LRP1B: variants seen among roughly 807,000 people sequenced by gnomAD.
LRP1B encodes low-density lipoprotein receptor-related protein 1B.
In LRP1B, 217 loss-of-function variants were observed where a neutral mutation model predicts 556.6. The observed-to-expected ratio is 0.39, with a 90% CI of 0.35 to 0.44. The LOEUF (loss-of-function observed/expected upper bound fraction) is 0.44. LRP1B is among the 20% of genes least tolerant of loss of function. LRP1B has a pLI of 1.00. For synonymous variants in LRP1B, 2,047 were observed against 1,865.8 expected (o/e 1.10, Z -2.50); for missense variants, 5,053 against 5,620.8 (o/e 0.90, Z 3.23).
Position 142,005,694 on chromosome 2 carries a change from G to A in LRP1B, c.82+124954C>T, listed in dbSNP as rs189719108. On this transcript the variant is annotated intron_variant, in intron 1 of 90. Coordinates refer to ENST00000389484, the MANE Select transcript of LRP1B (RefSeq NM_018557.3). The stretch of plus-strand genomic sequence containing the variant: ...CTATATTCATTTTCTTTATTAAAAG[G>A]GTTGTTAAAAATAATTTATCAAACT... 4.0e-3 allele frequency among the ~76,000 whole-genome samples: 613 copies of A among 151,712 alleles called. 3 individuals carry two copies. Among genetic ancestry groups the A allele is most frequent in the Middle Eastern group, 6.9e-3 (2 of 290 alleles).
At chr2:141,964,732 A>AAAATTGAC (rs1264178090) in intron 1 of LRP1B, among the ~76,000 whole-genome samples, 10 of 151,786 alleles carry the variant, frequency 6.6e-5, no homozygotes, top group African/African-American at 2.4e-4. Context: ...AACCAAAGCC[A>AAAATTGAC]AAATTGACAA....
At chr2:141,168,607 T>C (rs1680365715) in intron 7 of LRP1B, among the ~76,000 whole-genome samples, 1 of 152,036 alleles carries the variant, frequency 6.6e-6, no homozygotes, top group Non-Finnish European at 1.5e-5. Context: ...TAATAATAAT[T>C]TCAAGGATGT....
intron 3 of LRP1B, among the ~76,000 whole-genome samples, chr2:141,349,635 T>C (rs1435221496): frequency 6.6e-6 from 1 of 151,958 alleles, no homozygotes; most frequent in African/African-American, 2.4e-5. Context: ...GTTGAACTGA[T>C]ATCAAAGTGT....
intron 11 of LRP1B, among the ~76,000 whole-genome samples, chr2:141,025,349 C>A (rs1275425070): frequency 6.6e-6 from 1 of 152,070 alleles, no homozygotes; most frequent in African/African-American, 2.4e-5. Flanking sequence ...TTTACACAAC[C>A]ATATCTAAAG....
At chr2:141,641,581 A>G (rs924812456) in intron 2 of LRP1B, among the ~76,000 whole-genome samples, 3 of 152,300 alleles carry the variant, frequency 2.0e-5, no homozygotes, top group Non-Finnish European at 2.9e-5. Context: ...ATGCAATGCT[A>G]TAACTCTAGC....
rs138993428 is a variant in LRP1B, at chr2:141,015,714, C to T, written c.2172G>A (p.Leu724=). The T allele has an allele frequency of 6.2e-7, 1 of 1,612,254 alleles. No individual in the cohort carries two copies. The highest frequency in any genetic ancestry group is 1.3e-5 in the African/African-American group (1 of 74,868). Residue 724 remains leucine (L), a synonymous_variant, in exon 13 of 91, where the codon TTG becomes TTA. Transcript: ENST00000389484. ...AYYDHIEKVF[L]NGTHRKIVYS... The stretch of plus-strand genomic sequence containing the variant: ...CTTTTACCTTCCTGTGAGTCCCATT[C>T]AAAAATACTTTTTCAATATGATCGT...
At chr2:141,992,551 A>G (rs1481725834) in intron 1 of LRP1B, among the ~76,000 whole-genome samples, 6 of 152,164 alleles carry the variant, frequency 3.9e-5, no homozygotes, top group Non-Finnish European at 7.4e-5. Context: ...TTACAGAAAA[A>G]TACATATAAA....
intron 27 of LRP1B, 72 bp from the exon 28 acceptor site, chr2:140,851,855 G>A (rs951152972): frequency 2.1e-6 from 3 of 1,403,686 alleles, no homozygotes; most frequent in Middle Eastern, 1.8e-4. Context: ...GGTTGACAGG[G>A]GTTATTCACC....
intron 83 of LRP1B, among the ~76,000 whole-genome samples, chr2:140,309,100 C>A (rs610276): frequency 0.096 from 14,528 of 151,766 alleles, 1,262 homozygotes; most frequent in African/African-American, 0.23. Context: ...TTCTACTTTT[C>A]TACTTAATGT....
At chr2:141,704,356 C>G (rs1692062218) in intron 2 of LRP1B, among the ~76,000 whole-genome samples, 2 of 151,854 alleles carry the variant, frequency 1.3e-5, no homozygotes, top group South Asian at 2.1e-4. Context: ...TTTAAAAGAT[C>G]AACTTGAAAC....
chr2:141,281,043 G>A (rs1049902513), intron 3 of LRP1B, among the ~76,000 whole-genome samples: 12 of 151,760 alleles, frequency 7.9e-5, no homozygotes, highest in African/African-American at 2.7e-4. Flanking sequence ...GTCTAGACAG[G>A]CCTTATCAAA....
chr2:141,554,425 A>G (rs1685887121), intron 2 of LRP1B, among the ~76,000 whole-genome samples: 1 of 150,788 alleles, frequency 6.6e-6, no homozygotes, highest in Non-Finnish European at 1.5e-5. Flanking sequence ...ATATAGATAC[A>G]TATATCTGCA....
In LRP1B at chr2:141,359,015, A is replaced by T. The variant is rs529567373; in HGVS notation, c.344-104374T>A. Among the ~76,000 whole-genome samples the T allele has an allele frequency of 2.0e-5, 3 of 152,232 alleles. No homozygotes were observed. The South Asian group carries it at 6.2e-4, about 32-fold the overall frequency. ...TTAATTGGAATTTTTCAAAAGCTGAATTTTAACTTTTAAAAATGTACATAC... is the reference window on the plus strand; with the variant it reads ...TTAATTGGAATTTTTCAAAAGCTGATTTTTAACTTTTAAAAATGTACATAC... On this transcript the variant is annotated intron_variant, in intron 3 of 90. Coordinates refer to ENST00000389484, the MANE Select transcript of LRP1B (RefSeq NM_018557.3).
At chr2:141,932,310 T>C (rs1201111642) in intron 1 of LRP1B, among the ~76,000 whole-genome samples, 2 of 152,064 alleles carry the variant, frequency 1.3e-5, no homozygotes, top group African/African-American at 2.4e-5. Context: ...GTATTTTAGC[T>C]TGAGAAAAGA....
chr2:140,433,324 C>A (rs1438442825), intron 66 of LRP1B, among the ~76,000 whole-genome samples: 1 of 152,158 alleles, frequency 6.6e-6, no homozygotes, highest in Non-Finnish European at 1.5e-5. Flanking sequence ...TCTTGAACTC[C>A]TGACATCAGG....
At chr2:140,762,898 G>A (rs892281401) in intron 35 of LRP1B, among the ~76,000 whole-genome samples, 1 of 151,904 alleles carries the variant, frequency 6.6e-6, no homozygotes, top group Non-Finnish European at 1.5e-5. Flanking sequence ...GGGAAGAAAA[G>A]CACTTTTTCA....
At chr2:140,406,455 C>T in intron 66 of LRP1B, among the ~76,000 whole-genome samples, 1 of 151,992 alleles carries the variant, frequency 6.6e-6, no homozygotes, top group East Asian at 1.9e-4. Flanking sequence ...CTAAAGACCC[C>T]ACCAAAAGGC....
At chr2:141,057,509 T>TG (rs924857765) in intron 9 of LRP1B, among the ~76,000 whole-genome samples, 15 of 151,874 alleles carry the variant, frequency 9.9e-5, no homozygotes, top group East Asian at 9.8e-4. Context: ...CACGTGTTGT[T>TG]GGGGGGGACC....
At chr2:141,674,541 T>C (rs1690801657) in intron 2 of LRP1B, among the ~76,000 whole-genome samples, 1 of 152,066 alleles carries the variant, frequency 6.6e-6, no homozygotes, top group South Asian at 2.1e-4. Context: ...TGGAAACATA[T>C]CTATGTTATA....
Sources: allele counts gnomAD v4.1 joint callset (sites outside exome capture counted in the v4.1 genomes callset), GRCh38; gene constraint gnomAD v4.1.1; transcripts MANE v1.5; gene names NCBI Gene and HGNC (gene_info 2026-07-23, HGNC 2026-07-21).